HDAC9: variants seen among roughly 807,000 people sequenced by gnomAD.
The protein encoded by HDAC9 is MEF-2 interacting transcription repressor (MITR) protein.
In HDAC9, 41 loss-of-function variants were observed where a neutral mutation model predicts 139.4. That is an observed-to-expected ratio of 0.29 (90% CI 0.23 to 0.38). The LOEUF (loss-of-function observed/expected upper bound fraction) is 0.38. Among genes scored for constraint, HDAC9 ranks in the 10% least tolerant of loss-of-function variants. The probability of loss-of-function intolerance (pLI) is 1.00; values close to 1 mark genes in which losing one functional copy is unlikely to be tolerated. For synonymous variants in HDAC9, 517 were observed against 476.2 expected (o/e 1.09, Z -1.12); for missense variants, 1,147 against 1,297.0 (o/e 0.88, Z 1.78).
intron 2 of HDAC9, among the ~76,000 whole-genome samples, chr7:18,565,397 A>G (rs909617313): frequency 2.6e-5 from 4 of 152,220 alleles, no homozygotes; most frequent in Non-Finnish European, 5.9e-5. Flanking sequence ...TTCTGTGAGT[A>G]ATTTTTTCCT....
chr7:18,637,525 A>C (rs1784283369), intron 8 of HDAC9, among the ~76,000 whole-genome samples: 1 of 152,118 alleles, frequency 6.6e-6, no homozygotes, highest in South Asian at 2.1e-4. Flanking sequence ...AAAGAAAAAC[A>C]AAACAAAACA....
At chr7:18,728,450 G>T (rs1245886866) in intron 13 of HDAC9, among the ~76,000 whole-genome samples, 1 of 149,018 alleles carries the variant, frequency 6.7e-6, no homozygotes, top group African/African-American at 2.5e-5. Flanking sequence ...CACACACAAA[G>T]GGTGCTATTC....
intron 2 of HDAC9, among the ~76,000 whole-genome samples, chr7:18,567,261 G>T (rs1049920790): frequency 1.3e-5 from 2 of 152,110 alleles, no homozygotes; most frequent in Non-Finnish European, 2.9e-5. Flanking sequence ...ATCGCATGGG[G>T]TTCTATGGCT....
chr7:18,229,338 G>C (rs945919823), intron 2 of HDAC9, among the ~76,000 whole-genome samples: 4 of 152,156 alleles, frequency 2.6e-5, no homozygotes, highest in Admixed American at 6.6e-5. Flanking sequence ...CTGCAGACTG[G>C]CTAGGATGTC....
At chr7:18,755,348 A>T (rs1220537489) in intron 14 of HDAC9, among the ~76,000 whole-genome samples, 1 of 152,180 alleles carries the variant, frequency 6.6e-6, no homozygotes, top group African/African-American at 2.4e-5. Context: ...ACAAAAGGAA[A>T]TAAGAGAGGC....
intron 17 of HDAC9, among the ~76,000 whole-genome samples, chr7:18,826,388 G>A (rs558053672): frequency 7.9e-5 from 12 of 152,152 alleles, no homozygotes; most frequent in African/African-American, 2.9e-4. Context: ...AGGAAAGGGG[G>A]GCACTCAGAA....
intron 24 of HDAC9, among the ~76,000 whole-genome samples, chr7:18,958,554 A>G (rs540680246): frequency 2.6e-4 from 40 of 152,302 alleles, no homozygotes; most frequent in African/African-American, 9.6e-4. Flanking sequence ...AAATTCTGCA[A>G]TACGTGGCAA....
intron 2 of HDAC9, among the ~76,000 whole-genome samples, chr7:18,541,651 A>G (rs1159578242): frequency 6.6e-6 from 1 of 152,162 alleles, no homozygotes; most frequent in African/African-American, 2.4e-5. Flanking sequence ...TTTTTGTTGG[A>G]ACAGAAACAG....
At chr7:18,870,798 C>T (rs890603937) in intron 21 of HDAC9, among the ~76,000 whole-genome samples, 16 of 152,088 alleles carry the variant, frequency 1.1e-4, no homozygotes, top group Non-Finnish European at 2.2e-4. Flanking sequence ...CTCAATCTCC[C>T]GAGTCATTGG....
chr7:18,414,337 A>C (rs1350539341), intron 1 of HDAC9, among the ~76,000 whole-genome samples: 1 of 152,052 alleles, frequency 6.6e-6, no homozygotes. Context: ...AAGTAACTTT[A>C]ATGTTTTTTC....
chr7:18,969,235 A>AGTT (rs373811226), intron 24 of HDAC9, among the ~76,000 whole-genome samples: 78 of 152,284 alleles, frequency 5.1e-4, no homozygotes, highest in African/African-American at 1.7e-3. Flanking sequence ...AACTGGGAAT[A>AGTT]GTTTGCATTA....
At chr7:18,678,318 T>C (rs1309875978) in intron 12 of HDAC9, among the ~76,000 whole-genome samples, 2 of 151,906 alleles carry the variant, frequency 1.3e-5, no homozygotes, top group Non-Finnish European at 2.9e-5. Context: ...TTTCTCTGTG[T>C]ACATCCTTCT....
chr7:18,134,074 T>C (rs1011005676), intron 1 of HDAC9, among the ~76,000 whole-genome samples: 1 of 151,966 alleles, frequency 6.6e-6, no homozygotes, highest in African/African-American at 2.4e-5. Flanking sequence ...CCTCCTGGAA[T>C]TGGTCCATTA....
chr7:18,288,682 C>G (rs576178160), upstream of HDAC9, among the ~76,000 whole-genome samples: 1 of 152,158 alleles, frequency 6.6e-6, no homozygotes, highest in African/African-American at 2.4e-5. Context: ...TTACAAAATA[C>G]TTGTTTTTAA....
intron 2 of HDAC9, among the ~76,000 whole-genome samples, chr7:18,503,096 T>C (rs1041275113): frequency 2.0e-5 from 3 of 152,162 alleles, no homozygotes; most frequent in Non-Finnish European, 4.4e-5. Flanking sequence ...TTGAAAATAA[T>C]TTAATTGAAA....
At chr7:18,849,589 C>T (rs1210942254) in intron 21 of HDAC9, among the ~76,000 whole-genome samples, 1 of 152,122 alleles carries the variant, frequency 6.6e-6, no homozygotes, top group African/African-American at 2.4e-5. Flanking sequence ...AAAACTCTTA[C>T]AATTAGCAAC....
chr7:18,476,763 C>T (rs1269863243), intron 1 of HDAC9, among the ~76,000 whole-genome samples: 2 of 152,124 alleles, frequency 1.3e-5, no homozygotes, highest in Non-Finnish European at 1.5e-5. Flanking sequence ...ATTTTTTCTT[C>T]GTTCTCTGTC....
chr7:18,484,996 G>A (rs1459533776), intron 1 of HDAC9, among the ~76,000 whole-genome samples: 2 of 152,034 alleles, frequency 1.3e-5, no homozygotes, highest in Admixed American at 6.6e-5. Context: ...GCCAAAATAA[G>A]ACAACAGTCC....
chr7:18,817,659 G>T (rs913080823), intron 17 of HDAC9, among the ~76,000 whole-genome samples: 4 of 152,044 alleles, frequency 2.6e-5, no homozygotes, highest in African/African-American at 9.7e-5. Context: ...TTATGCTTTT[G>T]TTCTGTCATC....
Sources: allele counts gnomAD v4.1 joint callset (sites outside exome capture counted in the v4.1 genomes callset), GRCh38; gene constraint gnomAD v4.1.1; transcripts MANE v1.5; gene names NCBI Gene and HGNC (gene_info 2026-07-23, HGNC 2026-07-21).